The following SNX16 variants were observed in gnomAD, a reference collection of about 807,000 sequenced individuals.
SNX16 encodes the protein sorting nexin 16.
Under a neutral mutation model 36.7 loss-of-function variants are expected in SNX16, and 35 were observed. The ratio of observed to expected loss-of-function variants is 0.95; its 90% confidence interval spans 0.73 to 1.27. The LOEUF is 1.27. Ranked by LOEUF, SNX16 falls within the 50% of genes most tolerant of loss-of-function variation. The pLI, the probability that SNX16 is intolerant of heterozygous loss-of-function variation, is 0.00. For missense variants in SNX16, 367 were observed against 393.6 expected (o/e 0.93, Z 0.57); for synonymous variants, 134 against 132.0 (o/e 1.02, Z -0.10).
At position 81,839,974 on chromosome 8, in the gene SNX16, A is replaced by G. The variant is rs1360102714; in HGVS notation, c.13T>C (p.Tyr5His). 1 of 1,605,296 alleles carries G rather than the reference A, an allele frequency of 6.2e-7. No individual in the cohort carries two copies. Reference sequence around the variant, plus strand: ...CCTATGGGCATAGGAACTGGGACATAAGGAGTTGCCATCTTCTTTTGGCTT... The same window carrying G: ...CCTATGGGCATAGGAACTGGGACATGAGGAGTTGCCATCTTCTTTTGGCTT... Reference protein sequence around the residue: MATPYVPVPMPIGNS... With the variant: MATPHVPVPMPIGNS... Residue 5 changes from tyrosine (Y) to histidine (H), a missense_variant, in exon 2 of 8, where the codon TAT becomes CAT. Coordinates refer to ENST00000345957, the MANE Select transcript of SNX16 (RefSeq NM_152836.3).
chr8:81,802,877 GGCTTATTTTCCTGATGTTT>G (rs1809766170), intron 6 of SNX16, among the ~76,000 whole-genome samples, 196 bp downstream of exon 6: 1 of 151,626 alleles, frequency 6.6e-6, no homozygotes, highest in Admixed American at 6.6e-5. Flanking sequence ...AACAGTTAGT[GGCTTATTTTCCTGATGTTT>G]CCCATCCTTC....
chr8:81,822,977 C>CATATATAGAT (rs1810843548), intron 4 of SNX16, among the ~76,000 whole-genome samples: 1 of 85,420 alleles, frequency 1.2e-5, no homozygotes, highest in African/African-American at 5.4e-5. Context: ...TATATATATA[C>CATATATAGAT]ACATATGTGT....
intron 1 of SNX16, chr8:81,840,528 A>G (rs1428852898): frequency 6.5e-6 from 1 of 152,732 alleles, no homozygotes; most frequent in Non-Finnish European, 1.5e-5. Context: ...GAGGAAATCT[A>G]TTCACATTAC....
intron 5 of SNX16, chr8:81,808,304 G>T: frequency 1.7e-6 from 2 of 1,187,872 alleles, no homozygotes; most frequent in South Asian, 2.4e-5. Flanking sequence ...TGTGAAGTTA[G>T]GAAGACCTGT....
At chr8:81,813,203 G>A (rs1176151454) in intron 5 of SNX16, among the ~76,000 whole-genome samples, 1 of 151,952 alleles carries the variant, frequency 6.6e-6, no homozygotes, top group Non-Finnish European at 1.5e-5. Context: ...GAAAAGATAT[G>A]CTATGCAAAC....
chr8:81,801,839 T>C (rs1343124487), intron 7 of SNX16, among the ~76,000 whole-genome samples: 1 of 151,640 alleles, frequency 6.6e-6, no homozygotes, highest in Non-Finnish European at 1.5e-5. Context: ...CATTTACCAA[T>C]AAAAATCTAC....
At position 81,803,089 on chromosome 8, in the gene SNX16, C is replaced by T; in HGVS notation, c.818+3G>A. The T allele has an allele frequency of 1.2e-6, 2 of 1,601,894 alleles. No homozygotes were observed. The highest frequency in any genetic ancestry group is 1.7e-6 in the Non-Finnish European group (2 of 1,175,414). On this transcript the variant is annotated splice_donor_region_variant and intron_variant, in intron 6 of 7. Coordinates refer to ENST00000345957, the MANE Select transcript of SNX16 (RefSeq NM_152836.3). ...GAGTAGAAATGCAAGTATCACAACA[C>T]ACCTGATTCTGTTCTCTAAAGTGTC...
chr8:81,815,172 A>G (rs1383385910), intron 5 of SNX16, 153 bp downstream of exon 5: 15 of 480,476 alleles, frequency 3.1e-5, no homozygotes, highest in Non-Finnish European at 4.9e-5. Flanking sequence ...ACTGAAAGCA[A>G]CCTTTGACTC....
intron 4 of SNX16, among the ~76,000 whole-genome samples, chr8:81,821,142 T>C (rs1810723832): frequency 6.6e-6 from 1 of 150,542 alleles, no homozygotes; most frequent in African/African-American, 2.4e-5. Flanking sequence ...CAAGATTTCT[T>C]AGAACCTTTA....
chr8:81,800,778 T>C lies in SNX16; in HGVS notation c.*719A>G, dbSNP rs969299856. 1 of 152,150 alleles carries C rather than the reference T, an allele frequency of 6.6e-6. No individual in the cohort carries two copies. Among genetic ancestry groups the C allele is most frequent in the Admixed American group, 6.6e-5 (1 of 15,238 alleles). The allele number at this position is 152,150 out of a possible 1,614,324, so 9.4% of individuals were successfully genotyped here. ...CAAACTCACTAAATCTAGGTAGAGA[T>C]AAAGATTACGTGGAAACTAAACAAA... On this transcript the variant is annotated 3_prime_UTR_variant, in exon 8 of 8. Coordinates refer to ENST00000345957, the MANE Select transcript of SNX16 (RefSeq NM_152836.3).
chr8:81,810,419 A>AT (rs778957091), intron 5 of SNX16, among the ~76,000 whole-genome samples: 74 of 152,206 alleles, frequency 4.9e-4, no homozygotes, highest in Admixed American at 1.2e-3. Context: ...TCATTTTGGG[A>AT]TTTTTCTTAA....
chr8:81,839,796 G>C lies in SNX16; in HGVS notation c.191C>G (p.Thr64Ser). 6.2e-7 allele frequency: 1 copy of C among 1,613,618 alleles called. No individual in the cohort carries two copies. The highest frequency in any genetic ancestry group is 8.5e-7 in the Non-Finnish European group (1 of 1,179,564). ...GAGGGGACTGCTACAGACAGATGAA[G>C]TATTATCCATTTGATCAGGAACACT... The part of the protein sequence containing the change: ...QTSVPDQMDN[T>S]SSVCSSPLIR... The change falls in exon 2 of 8, where the codon ACT becomes AGT. Residue 64 changes from threonine to serine, a missense_variant. Coordinates refer to ENST00000345957, the MANE Select transcript of SNX16 (RefSeq NM_152836.3).
At chr8:81,807,617 A>C (rs1244393752) in intron 5 of SNX16, among the ~76,000 whole-genome samples, 3 of 151,178 alleles carry the variant, frequency 2.0e-5, no homozygotes, top group African/African-American at 7.3e-5. Context: ...TAATTAGTGC[A>C]GTAGGGATGA....
At chr8:81,837,451 T>C (rs769373506) in intron 2 of SNX16, among the ~76,000 whole-genome samples, 1 of 152,232 alleles carries the variant, frequency 6.6e-6, no homozygotes, top group Non-Finnish European at 1.5e-5. Context: ...ATTTGGTAGC[T>C]TGTAAACAAA....
intron 5 of SNX16, 64 bp from the exon 6 acceptor site, chr8:81,803,292 C>A: frequency 6.9e-7 from 1 of 1,459,108 alleles, no homozygotes; most frequent in Non-Finnish European, 9.2e-7. Flanking sequence ...ATTACAAATG[C>A]AGTATCTTTC....
intron 5 of SNX16, among the ~76,000 whole-genome samples, chr8:81,809,320 T>C (rs1810116817): frequency 1.3e-5 from 2 of 152,312 alleles, no homozygotes; most frequent in African/African-American, 4.8e-5. Context: ...AAAATGATTG[T>C]TGGCACATCT....
intron 5 of SNX16, among the ~76,000 whole-genome samples, chr8:81,807,570 C>T (rs1424757262): frequency 7.1e-6 from 1 of 141,824 alleles, no homozygotes. Flanking sequence ...CATAAACAGA[C>T]CCGTTCACAC....
At chr8:81,814,876 C>T (rs967064215) in intron 5 of SNX16, 3 of 152,196 alleles carry the variant, frequency 2.0e-5, no homozygotes, top group South Asian at 2.1e-4. Flanking sequence ...CACTTTAACA[C>T]GTCAATTAAT....
chr8:81,803,871 C>T (rs1211774903), intron 5 of SNX16, among the ~76,000 whole-genome samples: 1 of 150,156 alleles, frequency 6.7e-6, no homozygotes, highest in East Asian at 2.0e-4. Context: ...TCTAGGTGGG[C>T]GAGGTAAAGT....
Sources: allele counts gnomAD v4.1 joint callset (sites outside exome capture counted in the v4.1 genomes callset), GRCh38; gene constraint gnomAD v4.1.1; transcripts MANE v1.5; gene names NCBI Gene and HGNC (gene_info 2026-07-23, HGNC 2026-07-21).